The following IPPK variants were observed in gnomAD, a reference collection of about 807,000 sequenced individuals.
IPPK encodes IPK1 homolog.
In IPPK, 22 loss-of-function variants were observed where a neutral mutation model predicts 64.6. The ratio of observed to expected loss-of-function variants is 0.34; its 90% confidence interval spans 0.24 to 0.49. The LOEUF (loss-of-function observed/expected upper bound fraction) is 0.49. IPPK is among the 20% of genes least tolerant of loss of function. IPPK has a pLI of 0.99. For missense variants in IPPK, 532 were observed against 630.7 expected, an observed-to-expected ratio of 0.84 and a Z score of 1.68; for synonymous variants, 262 against 247.2, an observed-to-expected ratio of 1.06 and a Z score of -0.56.
chr9:92,657,744 T>G (rs905278829), intron 2 of IPPK, among the ~76,000 whole-genome samples: 1 of 152,012 alleles, frequency 6.6e-6, no homozygotes, highest in Non-Finnish European at 1.5e-5. Context: ...CCACACCCAC[T>G]GTGGCCCCAC....
At position 92,670,003 on chromosome 9, in the gene IPPK, C is replaced by A; in HGVS notation, c.-15G>T. On this transcript the variant is annotated 5_prime_UTR_variant, in exon 1 of 13. In the 5' UTR this introduces an upstream ATG that the reference lacks. Coordinates refer to ENST00000287996, the MANE Select transcript of IPPK (RefSeq NM_022755.6). Reference sequence around the variant, plus strand: ...CCCTCTTCCATGCCCAGGCGCAGCCCTGGCGCCTCGCGGGCTAGGACTCGG... The same window carrying A: ...CCCTCTTCCATGCCCAGGCGCAGCCATGGCGCCTCGCGGGCTAGGACTCGG... The A allele has an allele frequency of 6.2e-7, 1 of 1,600,504 alleles. No homozygotes were observed. Among genetic ancestry groups the A allele is most frequent in the East Asian group, 2.3e-5 (1 of 43,672 alleles).
chr9:92,642,577 G>A (rs1361151495), intron 7 of IPPK, among the ~76,000 whole-genome samples, 175 bp downstream of exon 7: 2 of 152,202 alleles, frequency 1.3e-5, no homozygotes, highest in Non-Finnish European at 2.9e-5. Context: ...GACAAGGCAC[G>A]GAGCACAAAG....
chr9:92,648,181 T>A (rs1333700193), intron 5 of IPPK, 33 bp from the exon 6 acceptor site: 1 of 1,496,284 alleles, frequency 6.7e-7, no homozygotes, highest in Non-Finnish European at 9.2e-7. Flanking sequence ...GGAAAAATAT[T>A]TAGGAAGAAA....
chr9:92,665,012 C>T (rs993023982), intron 1 of IPPK, among the ~76,000 whole-genome samples: 2 of 152,150 alleles, frequency 1.3e-5, no homozygotes, highest in Non-Finnish European at 2.9e-5. Context: ...CACCAAACAG[C>T]AGACCTCATC....
chr9:92,669,777 G>A (rs13293009), intron 1 of IPPK, 131 bp downstream of exon 1: 2 of 641,684 alleles, frequency 3.1e-6, no homozygotes, highest in African/African-American at 1.9e-5. Context: ...GAATTCCGGA[G>A]ACCGGCCGGG....
intron 6 of IPPK, among the ~76,000 whole-genome samples, chr9:92,645,017 G>T (rs569912858): frequency 2.6e-5 from 4 of 152,236 alleles, no homozygotes; most frequent in African/African-American, 4.8e-5. Context: ...TAGGGACAAA[G>T]AACTAAAAAG....
rs1851402193 is a variant in IPPK at position 92,615,439 on chromosome 9, G to A, written c.*393C>T. ...TTCTTAAAAGTCCAAACTGTAAAAT[G>A]TATGTGACAATTCAAGTTTTCTATG... is the stretch of plus-strand genomic sequence containing the variant. On this transcript the variant is annotated 3_prime_UTR_variant, in exon 13 of 13. Coordinates refer to ENST00000287996, the MANE Select transcript of IPPK (RefSeq NM_022755.6). 2 of 190,054 alleles carry A rather than the reference G, an allele frequency of 1.1e-5. No homozygotes were observed. The highest frequency in any genetic ancestry group is 1.6e-4 in the East Asian group (1 of 6,302). The allele number at this position is 190,054 out of a possible 1,614,324, so 11.8% of individuals were successfully genotyped here. A position where few individuals can be genotyped will look rare whatever the true frequency, so the allele number is the denominator to read the frequency against.
Position 92,662,806 on chromosome 9 carries a change from A to T in IPPK, c.82-4125T>A, listed in dbSNP as rs565639820. ...AAGATTTAAAAGGTTAAGGGACACAACTCGTCACTTACAAAAGTGGCAAAA... is the reference window on the plus strand; with the variant it reads ...AAGATTTAAAAGGTTAAGGGACACATCTCGTCACTTACAAAAGTGGCAAAA... On this transcript the variant is annotated intron_variant, in intron 1 of 12. Transcript: ENST00000287996. Among the ~76,000 whole-genome samples the T allele has an allele frequency of 4.6e-5, 7 of 152,312 alleles. No individual in the cohort carries two copies. The East Asian group carries it at 1.3e-3, about 29-fold the overall frequency.
At chr9:92,632,867 A>G (rs1275223356) in intron 11 of IPPK, among the ~76,000 whole-genome samples, 1 of 152,192 alleles carries the variant, frequency 6.6e-6, no homozygotes, top group East Asian at 1.9e-4. Context: ...GGGACAGGGC[A>G]AGTGGGTCCC....
At chr9:92,667,497 T>C (rs1202942195) in intron 1 of IPPK, among the ~76,000 whole-genome samples, 2 of 152,240 alleles carry the variant, frequency 1.3e-5, no homozygotes, top group African/African-American at 4.8e-5. Context: ...ACAGGCTCCA[T>C]CTGACCTTAA....
intron 1 of IPPK, among the ~76,000 whole-genome samples, chr9:92,665,796 C>T (rs1297690095): frequency 1.3e-5 from 2 of 151,814 alleles, no homozygotes; most frequent in African/African-American, 4.8e-5. Context: ...TTAAAATATA[C>T]AAAATCATGC....
At chr9:92,653,717 C>T (rs571789796) in intron 3 of IPPK, among the ~76,000 whole-genome samples, 3 of 152,140 alleles carry the variant, frequency 2.0e-5, no homozygotes, top group East Asian at 3.9e-4. Context: ...GGTGTGGTGG[C>T]GCACGCCTGT....
chr9:92,630,083 C>A, intron 11 of IPPK, among the ~76,000 whole-genome samples: 1 of 152,184 alleles, frequency 6.6e-6, no homozygotes, highest in Admixed American at 6.6e-5. Context: ...TGCAAAAAAA[C>A]CCTGTACCCA....
intron 1 of IPPK, among the ~76,000 whole-genome samples, chr9:92,668,294 C>T (rs1852644970): frequency 6.6e-6 from 1 of 152,044 alleles, no homozygotes; most frequent in South Asian, 2.1e-4. Flanking sequence ...TAAAAATAAA[C>T]AATCATTACA....
rs1851901169 is a variant in IPPK, at chr9:92,634,469, C to T, written c.1087G>A (p.Gly363Arg). The T allele has an allele frequency of 6.2e-7, 1 of 1,613,476 alleles. No homozygotes were observed. The highest frequency in any genetic ancestry group is 1.7e-5 in the Admixed American group (1 of 59,992). The change falls in exon 11 of 13, where the codon GGG becomes AGG. Residue 363 changes from glycine (G) to arginine (R), a missense_variant. Coordinates refer to ENST00000287996, the MANE Select transcript of IPPK (RefSeq NM_022755.6). The stretch of plus-strand genomic sequence containing the variant: ...TGGTAAAATGCTTCATCATAAGGCC[C>T]ATCTATTTGTAAGGTTTTTCTGAAG... ...PEERKTLQID[G>R]PYDEAFYQKL...
At position 92,642,833 on chromosome 9, in the gene IPPK, G is replaced by A; in HGVS notation, c.505-23C>T. On this transcript the variant is annotated intron_variant, in intron 6 of 12. Coordinates refer to ENST00000287996, the MANE Select transcript of IPPK (RefSeq NM_022755.6). ...TACCTGTGAAAACACCAACAGGAGG[G>A]CATGAGGTGACTGGCGCTGGTGACT... 1.9e-6 allele frequency: 3 copies of A among 1,603,974 alleles called. No individual in the cohort carries two copies. In the South Asian group the frequency reaches 3.3e-5, roughly 18 times the overall value.
At chr9:92,657,366 G>A (rs1018484868) in intron 2 of IPPK, among the ~76,000 whole-genome samples, 4 of 151,320 alleles carry the variant, frequency 2.6e-5, no homozygotes, top group Non-Finnish European at 5.9e-5. Context: ...AAAAAATAAA[G>A]CCCCCCTGGT....
chr9:92,638,789 G>A (rs1328653298), intron 8 of IPPK, among the ~76,000 whole-genome samples: 1 of 152,230 alleles, frequency 6.6e-6, no homozygotes, highest in Non-Finnish European at 1.5e-5. Flanking sequence ...GGTGGGAGAA[G>A]CTGCTGGCAT....
chr9:92,653,195 T>C (rs1322188647), intron 3 of IPPK, among the ~76,000 whole-genome samples: 2 of 152,330 alleles, frequency 1.3e-5, no homozygotes, highest in Admixed American at 6.5e-5. Flanking sequence ...TTCTGTGCAG[T>C]TTCCCAAATG....
Sources: gnomAD v4.1 joint callset for allele counts (sites outside exome capture counted in the v4.1 genomes callset) on GRCh38, gnomAD v4.1.1 for gene constraint, MANE v1.5 for transcripts, NCBI Gene and HGNC (gene_info 2026-07-23, HGNC 2026-07-21) for gene names.